The following DNAH12 variants were observed in gnomAD, a reference collection of about 807,000 sequenced individuals.
DNAH12 encodes axonemal beta dynein heavy chain 12.
DNAH12 carries 285 observed loss-of-function variants against 371.5 expected under a neutral mutation model. That is an observed-to-expected ratio of 0.77 (90% CI 0.70 to 0.85). DNAH12 has a LOEUF of 0.85. Among genes scored for constraint, DNAH12 ranks in the 40% least tolerant of loss-of-function variants. The pLI is 0.00. For synonymous variants in DNAH12, 1,200 were observed against 1,213.0 expected, an observed-to-expected ratio of 0.99 and a Z score of 0.22; for missense variants, 3,611 against 3,689.4, an observed-to-expected ratio of 0.98 and a Z score of 0.55.
intron 62 of DNAH12, among the ~76,000 whole-genome samples, chr3:57,326,208 A>C (rs1317744901): frequency 6.6e-6 from 1 of 151,964 alleles, no homozygotes; most frequent in African/African-American, 2.4e-5. Flanking sequence ...AATACAGAGA[A>C]TGCCACAAAG....
intron 62 of DNAH12, 99 bp from the exon 63 acceptor site, chr3:57,323,718 ATGGTC>A: frequency 7.8e-7 from 1 of 1,281,452 alleles, no homozygotes; most frequent in Non-Finnish European, 1.0e-6. Context: ...TTTGAGCCTA[ATGGTC>A]AAAAAAAGCA....
chr3:57,429,155 A>G (rs1356062850), intron 33 of DNAH12, among the ~76,000 whole-genome samples: 1 of 147,286 alleles, frequency 6.8e-6, no homozygotes, highest in African/African-American at 2.5e-5. Flanking sequence ...CATCCTCCTC[A>G]CAGATGCTCA....
At chr3:57,483,566 C>T (rs2066825649) in intron 12 of DNAH12, 55 bp from the exon 13 acceptor site, 4 of 1,467,862 alleles carry the variant, frequency 2.7e-6, no homozygotes, top group African/African-American at 1.4e-5. Flanking sequence ...ATATCATATT[C>T]AATAAATGTG....
At chr3:57,527,312 C>T (rs192846741) in intron 2 of DNAH12, among the ~76,000 whole-genome samples, 52 of 152,126 alleles carry the variant, frequency 3.4e-4, no homozygotes, top group African/African-American at 1.1e-3. Context: ...GACTGGGCAA[C>T]ACAGTGAGAC....
rs1459380032 is a variant in DNAH12 at position 57,421,713 on chromosome 3, G to C, written c.5374-7C>G. ...AAGAGAATATAAAGCAAGCCTGTTG[G>C]TGGAGAAAAAATTTAACTTATAGCA... On this transcript the variant is annotated splice_region_variant and splice_polypyrimidine_tract_variant and intron_variant, in intron 35 of 73. Coordinates refer to ENST00000495027, the MANE Select transcript of DNAH12 (RefSeq NM_001366028.2). The C allele has an allele frequency of 6.4e-7, 1 of 1,551,456 alleles. No homozygotes were observed. Among genetic ancestry groups the C allele is most frequent in the African/African-American group, 1.4e-5 (1 of 73,114 alleles).
Position 57,458,195 on chromosome 3 carries a change from C to T in DNAH12, c.2957G>A (p.Gly986Asp). Reference sequence around the variant, plus strand: ...GCAGTTCTGTAGTTTTTCCAATAAACCTGTTAAAGAAGTGGCAGCAAGAAC... The same window carrying T: ...GCAGTTCTGTAGTTTTTCCAATAAATCTGTTAAAGAAGTGGCAGCAAGAAC... Reference protein sequence around the residue: ...PKVLAATSLTGLLEKLQNCNE... With the variant: ...PKVLAATSLTDLLEKLQNCNE... The change falls in exon 21 of 74, where the codon GGT becomes GAT. Residue 986 changes from glycine (G) to aspartate (D), a missense_variant. Gly to Asp is a moderately conservative substitution (Grantham distance 94, BLOSUM62 -1). Coordinates refer to ENST00000495027, the MANE Select transcript of DNAH12 (RefSeq NM_001366028.2). The T allele has an allele frequency of 1.3e-6, 2 of 1,549,050 alleles. No homozygotes were observed. The highest frequency in any genetic ancestry group is 2.7e-5 in the African/African-American group (2 of 72,984).
chr3:57,534,715 G>A (rs537370384), intron 2 of DNAH12, among the ~76,000 whole-genome samples: 1 of 152,162 alleles, frequency 6.6e-6, no homozygotes, highest in Non-Finnish European at 1.5e-5. Flanking sequence ...CACCATATTG[G>A]ATAGTCTGGT....
At position 57,502,416 on chromosome 3, in the gene DNAH12, G is replaced by A; in HGVS notation, c.1150C>T (p.Leu384Phe). 1 of 1,614,198 alleles carries A rather than the reference G, an allele frequency of 6.2e-7. No individual in the cohort carries two copies. Among genetic ancestry groups the A allele is most frequent in the Non-Finnish European group, 8.5e-7 (1 of 1,180,028 alleles). ...TSTPVNLDTE[L>F]PEHVLHWAVD... ...GCCCAGTGTAACACGTGTTCAGGAA[G>A]TTCTGTGTCAAGATTTACTGGTGTT... Residue 384 changes from leucine (L) to phenylalanine (F), a missense_variant, in exon 10 of 74, where the codon CTT (leucine) becomes TTT (phenylalanine). Physicochemically the swap from Leu to Phe is conservative, Grantham distance 22. Coordinates refer to ENST00000495027, the MANE Select transcript of DNAH12 (RefSeq NM_001366028.2).
In DNAH12 at chr3:57,309,693, T is replaced by C; in HGVS notation, c.11058A>G (p.Leu3686=). The C allele has an allele frequency of 6.5e-7, 1 of 1,528,746 alleles. No individual in the cohort carries two copies. The highest frequency in any genetic ancestry group is 8.8e-7 in the Non-Finnish European group (1 of 1,139,906). 94.7% of individuals were successfully genotyped at this position (1,528,746 alleles called of 1,614,324 possible). A position where few individuals can be genotyped will look rare whatever the true frequency, so the allele number is the denominator to read the frequency against. ...TGTTGAGGATATCTTTGGTAATTTC[T>C]AACAGAATCTGATCAGTACTTCCTG... ...GASGSTDQIL[L]EITKDILNKL... Residue 3686 remains leucine (L), a synonymous_variant, in exon 68 of 74, where the codon TTA becomes TTG. Transcript: ENST00000495027.
At chr3:57,414,056 T>A in intron 38 of DNAH12, 144 bp from the exon 39 acceptor site, 1 of 774,968 alleles carries the variant, frequency 1.3e-6, no homozygotes, top group Non-Finnish European at 2.0e-6. Flanking sequence ...ACTATTTGCT[T>A]AATTTATCAA....
chr3:57,388,054 C>G (rs1010502768), intron 45 of DNAH12, among the ~76,000 whole-genome samples: 316 of 152,208 alleles, frequency 2.1e-3, no homozygotes, highest in Non-Finnish European at 3.3e-3. Flanking sequence ...ATTTTCTTCC[C>G]TACAAATTTG....
chr3:57,314,456 G>A (rs2061644256), intron 66 of DNAH12, 38 bp downstream of exon 66: 1 of 1,549,922 alleles, frequency 6.5e-7, no homozygotes, highest in Non-Finnish European at 8.7e-7. Flanking sequence ...CTGATAAATA[G>A]TGATCCTTCA....
intron 39 of DNAH12, among the ~76,000 whole-genome samples, chr3:57,412,156 G>A (rs1166598711): frequency 2.0e-5 from 3 of 152,178 alleles, no homozygotes; most frequent in Admixed American, 6.5e-5. Context: ...GAGGCAGATG[G>A]ATTGCTTGAA....
intron 8 of DNAH12, among the ~76,000 whole-genome samples, chr3:57,505,747 T>C (rs1035738341): frequency 3.3e-5 from 5 of 152,168 alleles, no homozygotes; most frequent in Non-Finnish European, 7.4e-5. Context: ...AGCCTGTTTC[T>C]GTTTTTTAAG....
At chr3:57,479,445 G>T (rs2066657023) in intron 13 of DNAH12, among the ~76,000 whole-genome samples, 1 of 152,162 alleles carries the variant, frequency 6.6e-6, no homozygotes, top group South Asian at 2.1e-4. Context: ...CCTAGAAAGA[G>T]ACCTAGACTC....
intron 59 of DNAH12, among the ~76,000 whole-genome samples, chr3:57,354,377 A>T (rs965472727): frequency 2.0e-5 from 3 of 152,050 alleles, no homozygotes; most frequent in Non-Finnish European, 4.4e-5. Flanking sequence ...GAGGTTCAAA[A>T]AACTACCTAT....
intron 60 of DNAH12, among the ~76,000 whole-genome samples, chr3:57,335,380 T>C (rs1264652395): frequency 1.3e-5 from 2 of 152,202 alleles, no homozygotes; most frequent in Non-Finnish European, 1.5e-5. Context: ...TGAATGAATG[T>C]CTTAAAAATC....
chr3:57,437,697 A>T (rs2065171898), intron 29 of DNAH12, among the ~76,000 whole-genome samples: 1 of 152,238 alleles, frequency 6.6e-6, no homozygotes, highest in African/African-American at 2.4e-5. Flanking sequence ...AGAAGCCCAA[A>T]TGCCAAGCTG....
intron 36 of DNAH12, 41 bp from the exon 37 acceptor site, chr3:57,419,559 C>T (rs935500092): frequency 6.0e-6 from 8 of 1,339,212 alleles, no homozygotes; most frequent in Non-Finnish European, 6.8e-6. Context: ...AAACCATGTA[C>T]TTGCTGTATC....
Sources: gnomAD v4.1 joint callset for allele counts (sites outside exome capture counted in the v4.1 genomes callset) on GRCh38, gnomAD v4.1.1 for gene constraint, MANE v1.5 for transcripts, NCBI Gene and HGNC (gene_info 2026-07-23, HGNC 2026-07-21) for gene names.